Variants in RALYL observed in about 807,000 individuals in gnomAD.
The protein encoded by RALYL is RALY RNA binding protein like, also known as RNA-binding Raly-like protein.
RALYL carries 29 observed loss-of-function variants against 35.1 expected under a neutral mutation model. The ratio of observed to expected loss-of-function variants is 0.83; its 90% confidence interval spans 0.61 to 1.13. RALYL has a LOEUF of 1.13. Ranked by LOEUF, RALYL falls within the 50% of genes most tolerant of loss-of-function variation. The pLI is 0.00. For missense variants in RALYL, 359 were observed against 360.4 expected, an observed-to-expected ratio of 1.00 and a Z score of 0.03; for synonymous variants, 120 against 127.6, an observed-to-expected ratio of 0.94 and a Z score of 0.40.
intron 2 of RALYL, among the ~76,000 whole-genome samples, chr8:84,757,431 A>T (rs951372410): frequency 2.6e-5 from 4 of 152,140 alleles, no homozygotes; most frequent in Non-Finnish European, 5.9e-5. Flanking sequence ...TTGGGAAAAA[A>T]CTGCCGATGT....
At chr8:84,442,900 T>C (rs2048488532) in intron 1 of RALYL, among the ~76,000 whole-genome samples, 1 of 152,138 alleles carries the variant, frequency 6.6e-6, no homozygotes, top group African/African-American at 2.4e-5. Context: ...TGCCTGGCTT[T>C]CAGAACTTGT....
intron 3 of RALYL, among the ~76,000 whole-genome samples, chr8:84,775,472 C>G (rs1282735574): frequency 2.0e-5 from 3 of 152,174 alleles, no homozygotes; most frequent in Non-Finnish European, 4.4e-5. Context: ...TTAAATTCCA[C>G]TCAGTCAGTC....
intron 1 of RALYL, among the ~76,000 whole-genome samples, chr8:84,367,318 A>ATTTGTTTTTGTTTTTTTTTTTTTTTTT (rs756622990): frequency 3.6e-5 from 1 of 27,400 alleles, no homozygotes; most frequent in Non-Finnish European, 9.9e-5. Flanking sequence ...TAATTTTTGT[A>ATTTGTTTTTGTTTTTTTTTTTTTTTTT]TTTTTTTTTT....
intron 1 of RALYL, among the ~76,000 whole-genome samples, chr8:84,428,753 A>G (rs1259458751): frequency 6.6e-6 from 1 of 152,218 alleles, no homozygotes; most frequent in Non-Finnish European, 1.5e-5. Context: ...AAACATATAT[A>G]GGGTGAAGTT....
intron 7 of RALYL, among the ~76,000 whole-genome samples, chr8:84,883,375 A>G (rs189873975): frequency 1.3e-5 from 2 of 152,190 alleles, no homozygotes; most frequent in African/African-American, 4.8e-5. Flanking sequence ...ATAAAGACAT[A>G]CCCAAGACTG....
chr8:84,405,044 C>A (rs1361955037), intron 1 of RALYL, among the ~76,000 whole-genome samples: 2 of 152,152 alleles, frequency 1.3e-5, no homozygotes, highest in African/African-American at 4.8e-5. Flanking sequence ...CAAATTAGAA[C>A]TCAGGATTAA....
chr8:84,537,474 C>CA (rs397978512), intron 2 of RALYL, among the ~76,000 whole-genome samples: 7,972 of 84,816 alleles, frequency 0.094, 554 homozygotes, highest in African/African-American at 0.23. Context: ...AATCCTGTCT[C>CA]AAAAAAAAAA....
chr8:84,484,695 A>G (rs1000008286), intron 1 of RALYL, among the ~76,000 whole-genome samples: 1 of 152,332 alleles, frequency 6.6e-6, no homozygotes. Context: ...TACAACAGTT[A>G]AACTCCAAAA....
intron 2 of RALYL, among the ~76,000 whole-genome samples, chr8:84,715,230 G>T (rs1842787866): frequency 6.6e-6 from 1 of 151,688 alleles, no homozygotes; most frequent in Non-Finnish European, 1.5e-5. Flanking sequence ...CATATGTCAG[G>T]CACTGTTTTA....
chr8:84,442,200 A>T (rs909489613), intron 1 of RALYL, among the ~76,000 whole-genome samples: 2 of 152,004 alleles, frequency 1.3e-5, no homozygotes, highest in Admixed American at 6.6e-5. Flanking sequence ...TTCTTGTTAT[A>T]CTCATTTTTG....
chr8:84,728,398 C>T (rs570015805), intron 2 of RALYL, among the ~76,000 whole-genome samples: 10 of 151,786 alleles, frequency 6.6e-5, no homozygotes, highest in South Asian at 6.3e-4. Context: ...GAGAAGGTTG[C>T]GAAAATTTTC....
In RALYL at chr8:84,214,996, C is replaced by T. The variant is rs576522649; in HGVS notation, c.-24+30572C>T. Among the ~76,000 whole-genome samples the T allele has an allele frequency of 2.8e-3, 430 of 152,068 alleles. 4 individuals carry two copies. Among genetic ancestry groups the T allele is most frequent in the African/African-American group, 9.6e-3 (397 of 41,490 alleles). On this transcript the variant is annotated intron_variant, in intron 1 of 8. Coordinates refer to ENST00000521268, the MANE Select transcript of RALYL (RefSeq NM_173848.7). ...TCTCCGCTCACTGCAAGCTCCACCTCCTGGGTTCATGCCATTCTCCTGCCT... is the reference window on the plus strand; with the variant it reads ...TCTCCGCTCACTGCAAGCTCCACCTTCTGGGTTCATGCCATTCTCCTGCCT...
At chr8:84,298,905 G>T (rs766554038) in intron 1 of RALYL, among the ~76,000 whole-genome samples, 1 of 151,930 alleles carries the variant, frequency 6.6e-6, no homozygotes, top group Non-Finnish European at 1.5e-5. Context: ...TTGTACATTG[G>T]TTTCGTATCC....
rs1260996830 is a variant in RALYL, at chr8:84,894,496, G to A, written c.858+6720G>A. Among the ~76,000 whole-genome samples the A allele has an allele frequency of 3.3e-5, 5 of 152,146 alleles. No individual in the cohort carries two copies. In the East Asian group the frequency reaches 9.6e-4, roughly 29 times the overall value. ...CCCTGTCCTACTGAGAATAGATATT[G>A]AGGGCATAAAGACAGCAGTACCCTT... On this transcript the variant is annotated intron_variant, in intron 8 of 8. Coordinates refer to ENST00000521268, the MANE Select transcript of RALYL (RefSeq NM_173848.7).
intron 2 of RALYL, among the ~76,000 whole-genome samples, chr8:84,624,392 A>G (rs936655746): frequency 3.9e-5 from 6 of 152,174 alleles, no homozygotes; most frequent in African/African-American, 1.2e-4. Context: ...ATAGGAAAGA[A>G]TCCTTTTCCT....
At chr8:84,402,847 G>A (rs567707686) in intron 1 of RALYL, among the ~76,000 whole-genome samples, 17 of 152,030 alleles carry the variant, frequency 1.1e-4, no homozygotes, top group East Asian at 7.7e-4. Flanking sequence ...TTTAATGATC[G>A]CCATTCTAAC....
chr8:84,444,183 G>T (rs992669616), intron 1 of RALYL, among the ~76,000 whole-genome samples: 1 of 151,942 alleles, frequency 6.6e-6, no homozygotes, highest in African/African-American at 2.4e-5. Flanking sequence ...AAAAATGTTA[G>T]CCGGGCATTG....
intron 1 of RALYL, among the ~76,000 whole-genome samples, chr8:84,402,381 G>A (rs2043002247): frequency 6.6e-6 from 1 of 152,060 alleles, no homozygotes; most frequent in African/African-American, 2.4e-5. Flanking sequence ...TGCTGATTGT[G>A]TCTCAAATCC....
intron 1 of RALYL, among the ~76,000 whole-genome samples, chr8:84,320,634 A>G (rs1844624630): frequency 6.6e-6 from 1 of 152,104 alleles, no homozygotes; most frequent in Admixed American, 6.6e-5. Flanking sequence ...TTATTTATTC[A>G]TTCATGAAGC....
Sources: allele counts gnomAD v4.1 joint callset (sites outside exome capture counted in the v4.1 genomes callset), GRCh38; gene constraint gnomAD v4.1.1; transcripts MANE v1.5; gene names NCBI Gene and HGNC (gene_info 2026-07-23, HGNC 2026-07-21).